SYNGR1: variants seen among roughly 807,000 people sequenced by gnomAD.
SYNGR1 encodes the protein synaptogyrin-1.
A neutral mutation model predicts 26.1 loss-of-function variants in SYNGR1; 14 were observed. The ratio of observed to expected loss-of-function variants is 0.54; its 90% CI spans 0.35 to 0.84. The LOEUF is 0.84. Ranked by LOEUF, SYNGR1 falls within the 40% of genes least tolerant of loss-of-function variation. SYNGR1 has a pLI of 0.01. For missense variants in SYNGR1, 319 were observed against 332.9 expected (o/e 0.96, Z 0.33); for synonymous variants, 141 against 150.1 (o/e 0.94, Z 0.44).
intron 1 of SYNGR1, among the ~76,000 whole-genome samples, chr22:39,362,215 G>A (rs1196972873): frequency 2.0e-5 from 3 of 152,124 alleles, no homozygotes; most frequent in Admixed American, 6.5e-5. Context: ...GAGGAAGATG[G>A]GGCATTCTGG....
chr22:39,375,878 C>T (rs1226761531), intron 2 of SYNGR1, 174 bp from the exon 3 acceptor site: 1 of 858,422 alleles, frequency 1.2e-6, no homozygotes, highest in Non-Finnish European at 2.0e-6. Context: ...TGCATCTTCT[C>T]TTGGCTCCCC....
intron 1 of SYNGR1, among the ~76,000 whole-genome samples, chr22:39,372,123 CTTTTTT>C (rs71197177): frequency 1.6e-4 from 11 of 70,230 alleles, no homozygotes; most frequent in African/African-American, 5.9e-4. Context: ...TAGATCCATT[CTTTTTT>C]TTTTTTTTTT....
chr22:39,377,984 C>T (rs1367937836), intron 3 of SYNGR1: 1 of 1,250,962 alleles, frequency 8.0e-7, no homozygotes, highest in East Asian at 4.5e-5. Context: ...GAGGAGAAAA[C>T]AAACACATCA....
intron 3 of SYNGR1, chr22:39,378,284 T>G (rs554611093): frequency 1.3e-5 from 13 of 974,220 alleles, no homozygotes; most frequent in Non-Finnish European, 1.6e-5. Context: ...GGGGTGATAA[T>G]GGACCAACCT....
intron 1 of SYNGR1, among the ~76,000 whole-genome samples, chr22:39,351,863 C>T (rs1923921809): frequency 6.6e-6 from 1 of 152,218 alleles, no homozygotes; most frequent in South Asian, 2.1e-4. Flanking sequence ...GCTGTGGAAT[C>T]AAATTTCATG....
At chr22:39,373,451 C>T (rs1284349018) in intron 1 of SYNGR1, among the ~76,000 whole-genome samples, 3 of 151,774 alleles carry the variant, frequency 2.0e-5, no homozygotes, top group African/African-American at 4.8e-5. Context: ...CAGGCGTGAG[C>T]GACCACGCCT....
chr22:39,356,201 T>TTACAGGTGC (rs1924136702), intron 1 of SYNGR1, among the ~76,000 whole-genome samples: 2 of 27,138 alleles, frequency 7.4e-5, no homozygotes, highest in African/African-American at 4.2e-4. Context: ...TGAGTAGATG[T>TTACAGGTGC]CCGCCACCAC....
chr22:39,380,459 A>G (rs917854082), intron 3 of SYNGR1, among the ~76,000 whole-genome samples: 4 of 151,950 alleles, frequency 2.6e-5, no homozygotes, highest in African/African-American at 9.7e-5. Flanking sequence ...GCTGGATCAT[A>G]GCTCACTGCA....
Position 39,376,216 on chromosome 22 carries a change from C to G in SYNGR1, c.483+19C>G. ...CACCTGGGTGAGTACAGCCACCGCG[C>G]ACCAGCCCACACTCGTCCCCTTTCC... On this transcript the variant is annotated intron_variant, in intron 3 of 3. Transcript: ENST00000328933. 1 of 1,613,886 alleles carries G rather than the reference C, an allele frequency of 6.2e-7. No individual in the cohort carries two copies.
At chr22:39,375,847 G>T (rs1925254642) in intron 2 of SYNGR1, 2 of 697,112 alleles carry the variant, frequency 2.9e-6, no homozygotes, top group Non-Finnish European at 5.2e-6. Flanking sequence ...CCTGCATCTG[G>T]CTGGCTTCCC....
chr22:39,376,326 C>G lies in SYNGR1; in HGVS notation c.483+129C>G, dbSNP rs1300011390. 2.0e-6 allele frequency: 3 copies of G among 1,484,264 alleles called. No homozygotes were observed. The African/African-American group carries it at 4.2e-5, about 21-fold the overall frequency. The allele number at this position is 1,484,264 out of a possible 1,614,324, so 91.9% of individuals were successfully genotyped here. On this transcript the variant is annotated intron_variant, in intron 3 of 3. Coordinates refer to ENST00000328933, the MANE Select transcript of SYNGR1 (RefSeq NM_004711.5). ...GCCCACACTACCCTCGCTCCCTCTTCTGCCTGCCTGTCTGCGGCGCTCACA... is the reference window on the plus strand; with the variant it reads ...GCCCACACTACCCTCGCTCCCTCTTGTGCCTGCCTGTCTGCGGCGCTCACA...
intron 1 of SYNGR1, among the ~76,000 whole-genome samples, chr22:39,359,839 C>A (rs1456064100): frequency 6.6e-6 from 1 of 152,050 alleles, no homozygotes; most frequent in Non-Finnish European, 1.5e-5. Context: ...CCCTGCCTTC[C>A]CAGTAGCCTC....
At chr22:39,376,948 G>A (rs1033988956) in intron 3 of SYNGR1, 64 of 1,546,938 alleles carry the variant, frequency 4.1e-5, no homozygotes, top group African/African-American at 5.6e-5. Context: ...CTGGCAGCTC[G>A]GCTGGCCCCT....
chr22:39,373,990 C>T (rs1296103708), intron 1 of SYNGR1, among the ~76,000 whole-genome samples: 2 of 152,110 alleles, frequency 1.3e-5, no homozygotes, highest in Admixed American at 6.5e-5. Flanking sequence ...CTTTGAGAGT[C>T]GGTCCAGTCC....
intron 1 of SYNGR1, among the ~76,000 whole-genome samples, chr22:39,372,554 AGTTCTCCTGG>A (rs1237972822): frequency 6.8e-6 from 1 of 146,400 alleles, no homozygotes. Flanking sequence ...CCCAGCAAAC[AGTTCTCCTGG>A]GCTCAAGCAA....
intron 1 of SYNGR1, among the ~76,000 whole-genome samples, chr22:39,356,724 G>A (rs1924161366): frequency 6.6e-6 from 1 of 152,190 alleles, no homozygotes; most frequent in African/African-American, 2.4e-5. Flanking sequence ...CAGGGTAGGC[G>A]CAGAGGAGTG....
intron 3 of SYNGR1, among the ~76,000 whole-genome samples, chr22:39,379,142 CA>C (rs1186025250): frequency 2.6e-5 from 4 of 152,202 alleles, no homozygotes; most frequent in African/African-American, 9.6e-5. Flanking sequence ...CCTGCTTCTT[CA>C]GGCTCCGGCG....
chr22:39,351,052 G>A (rs1292905938), intron 1 of SYNGR1, among the ~76,000 whole-genome samples: 1 of 152,202 alleles, frequency 6.6e-6, no homozygotes, highest in Non-Finnish European at 1.5e-5. Flanking sequence ...AGGGGTTCAG[G>A]TGCCTTGAGT....
At chr22:39,371,398 C>T (rs1325632915) in intron 1 of SYNGR1, among the ~76,000 whole-genome samples, 1 of 150,892 alleles carries the variant, frequency 6.6e-6, no homozygotes, top group African/African-American at 2.4e-5. Flanking sequence ...ATCGCTTGAA[C>T]CCAGGAGGCA....
Sources: gnomAD v4.1 joint callset for allele counts (sites outside exome capture counted in the v4.1 genomes callset) on GRCh38, gnomAD v4.1.1 for gene constraint, MANE v1.5 for transcripts, NCBI Gene and HGNC (gene_info 2026-07-23, HGNC 2026-07-21) for gene names.